The following PRKG1 variants were observed in gnomAD, a reference collection of about 807,000 sequenced individuals.
PRKG1 encodes cGMP-dependent protein kinase 1.
PRKG1 carries 35 observed loss-of-function variants against 88.1 expected under a neutral mutation model. The observed-to-expected ratio is 0.40, with a 90% confidence interval of 0.30 to 0.53. PRKG1 has a LOEUF of 0.53. PRKG1 is among the 20% of genes least tolerant of loss of function. The pLI, the probability that PRKG1 is intolerant of heterozygous loss-of-function variation, is 0.59. For synonymous variants in PRKG1, 303 were observed against 292.5 expected (o/e 1.04, Z -0.37); for missense variants, 540 against 839.8 (o/e 0.64, Z 4.41).
intron 3 of PRKG1, among the ~76,000 whole-genome samples, chr10:51,534,073 G>C (rs1037763822): frequency 2.6e-5 from 4 of 152,078 alleles, no homozygotes; most frequent in Admixed American, 2.6e-4. Flanking sequence ...AATAGGATTT[G>C]GGCCAAAGAA....
intron 1 of PRKG1, among the ~76,000 whole-genome samples, chr10:51,090,870 G>A (rs1844382569): frequency 6.6e-6 from 1 of 152,178 alleles, no homozygotes; most frequent in African/African-American, 2.4e-5. Context: ...TTGCATAGAA[G>A]TCATTCACTA....
intron 3 of PRKG1, among the ~76,000 whole-genome samples, chr10:51,776,636 C>A (rs1030913156): frequency 6.6e-6 from 1 of 152,026 alleles, no homozygotes; most frequent in African/African-American, 2.4e-5. Context: ...ACCGGCCTGG[C>A]CAACGTGGTG....
intron 2 of PRKG1, among the ~76,000 whole-genome samples, chr10:51,441,353 T>C (rs1564496574): frequency 6.6e-6 from 1 of 152,040 alleles, no homozygotes; most frequent in African/African-American, 2.4e-5. Context: ...AATCTAAAAC[T>C]TTTTTCCATT....
chr10:51,370,221 A>G (rs1842672929), intron 2 of PRKG1, among the ~76,000 whole-genome samples: 1 of 152,068 alleles, frequency 6.6e-6, no homozygotes, highest in South Asian at 2.1e-4. Context: ...AGACTTTAGA[A>G]ACCTATTTTT....
intron 1 of PRKG1, among the ~76,000 whole-genome samples, chr10:51,118,359 AT>A (rs1845178699): frequency 6.6e-6 from 1 of 152,212 alleles, no homozygotes; most frequent in African/African-American, 2.4e-5. Context: ...GTGCCATGCC[AT>A]TTTAATTATA....
At chr10:51,712,178 T>C (rs892301746) in intron 3 of PRKG1, among the ~76,000 whole-genome samples, 4 of 152,210 alleles carry the variant, frequency 2.6e-5, no homozygotes, top group Admixed American at 2.0e-4. Context: ...GATCTAACCA[T>C]AGTAAACTGG....
At chr10:51,350,721 C>T (rs984462329) in intron 2 of PRKG1, among the ~76,000 whole-genome samples, 1 of 152,190 alleles carries the variant, frequency 6.6e-6, no homozygotes, top group African/African-American at 2.4e-5. Flanking sequence ...TAAGCAAATT[C>T]AGCAAGTTGC....
At chr10:52,053,147 C>T (rs972995923) in intron 5 of PRKG1, among the ~76,000 whole-genome samples, 1 of 151,936 alleles carries the variant, frequency 6.6e-6, no homozygotes, top group Non-Finnish European at 1.5e-5. Flanking sequence ...TTGTTAAAAG[C>T]ATGGAAAGAA....
At chr10:52,034,151 G>T (rs77071709) in intron 5 of PRKG1, among the ~76,000 whole-genome samples, 25 of 152,068 alleles carry the variant, frequency 1.6e-4, no homozygotes, top group Non-Finnish European at 2.1e-4. Flanking sequence ...CCATCTGGGC[G>T]TACATGTGCA....
intron 3 of PRKG1, among the ~76,000 whole-genome samples, chr10:51,720,042 A>G (rs1166062650): frequency 3.3e-5 from 5 of 151,982 alleles, no homozygotes; most frequent in Non-Finnish European, 5.9e-5. Context: ...AGATTTGGGG[A>G]TTGGCTGAAT....
At chr10:51,698,724 C>A in intron 3 of PRKG1, 1 of 1,614,194 alleles carries the variant, frequency 6.2e-7, no homozygotes, top group Non-Finnish European at 8.5e-7. Context: ...GAACCAGGAC[C>A]AGCTCCGGGA....
At chr10:51,263,698 T>C (rs915436074) in intron 2 of PRKG1, among the ~76,000 whole-genome samples, 3 of 152,230 alleles carry the variant, frequency 2.0e-5, no homozygotes, top group African/African-American at 7.2e-5. Flanking sequence ...ATTTCATTAG[T>C]ATAGTCCATT....
intron 5 of PRKG1, among the ~76,000 whole-genome samples, chr10:52,022,233 A>T (rs1344283313): frequency 6.6e-6 from 1 of 152,202 alleles, no homozygotes; most frequent in African/African-American, 2.4e-5. Flanking sequence ...CTAAGTTATG[A>T]TGCTTGGTAG....
chr10:52,022,344 A>G (rs1236652812), intron 5 of PRKG1, among the ~76,000 whole-genome samples: 16 of 152,176 alleles, frequency 1.1e-4, no homozygotes, highest in Non-Finnish European at 2.9e-5. Flanking sequence ...CTGTATTGCG[A>G]TAGGAGTTTA....
chr10:51,277,638 A>T (rs550916686), intron 2 of PRKG1, among the ~76,000 whole-genome samples: 4 of 152,058 alleles, frequency 2.6e-5, no homozygotes, highest in Admixed American at 2.6e-4. Flanking sequence ...TTTATTGAGC[A>T]GTGGTTTGTA....
intron 1 of PRKG1, among the ~76,000 whole-genome samples, chr10:51,094,033 A>G (rs1327232012): frequency 6.6e-6 from 1 of 151,792 alleles, no homozygotes; most frequent in African/African-American, 2.4e-5. Flanking sequence ...AGACCCCAGA[A>G]TGGTGCTTGG....
intron 3 of PRKG1, among the ~76,000 whole-genome samples, chr10:51,656,556 CA>C (rs1183143169): frequency 1.3e-5 from 2 of 152,110 alleles, no homozygotes; most frequent in African/African-American, 4.8e-5. Flanking sequence ...TCTTTCACCG[CA>C]AAGTATTTGT....
intron 7 of PRKG1, among the ~76,000 whole-genome samples, chr10:52,083,184 C>A (rs1214409698): frequency 6.6e-6 from 1 of 151,958 alleles, no homozygotes; most frequent in East Asian, 1.9e-4. Flanking sequence ...TAAATTCATT[C>A]TAATTTACTT....
intron 7 of PRKG1, among the ~76,000 whole-genome samples, chr10:52,103,229 T>C (rs899730230): frequency 3.3e-5 from 5 of 152,138 alleles, no homozygotes; most frequent in Non-Finnish European, 7.3e-5. Context: ...GCCAAAAAGT[T>C]TGGGGACCAC....
Sources: allele counts gnomAD v4.1 joint callset (sites outside exome capture counted in the v4.1 genomes callset), GRCh38; gene constraint gnomAD v4.1.1; transcripts MANE v1.5; gene names NCBI Gene and HGNC (gene_info 2026-07-23, HGNC 2026-07-21).